Variants in DMD observed in about 807,000 individuals in gnomAD.
The protein encoded by DMD is mutant dystrophin.
DMD carries 63 observed loss-of-function variants against 330.1 expected under a neutral mutation model. That is an observed-to-expected ratio of 0.19 (90% CI 0.16 to 0.24). The LOEUF (loss-of-function observed/expected upper bound fraction) is 0.24, where lower values mean the gene tolerates loss of function less well. DMD is among the 10% of genes least tolerant of loss of function. DMD has a pLI of 1.00. For synonymous variants in DMD, 1,223 were observed against 959.8 expected (o/e 1.27, Z -5.07); for missense variants, 3,344 against 2,684.1 (o/e 1.25, Z -5.43).
chrX:33,074,559 A>G (rs2094809759), intron 1 of DMD, among the ~76,000 whole-genome samples: 1 of 111,147 alleles, frequency 9.0e-6, no homozygotes, highest in South Asian at 3.8e-4. Flanking sequence ...TTTAAGAGGC[A>G]CTTGGATCAT....
At position 31,669,314 on chromosome X, in the gene DMD, T is replaced by G. The variant is rs1015248596; in HGVS notation, c.7872+10061A>C. Among the ~76,000 whole-genome samples the G allele has an allele frequency of 4.5e-5, 5 of 112,084 alleles. No individual in the cohort carries two copies. In the Admixed American group the frequency reaches 4.7e-4, roughly 11 times the overall value. The stretch of plus-strand genomic sequence containing the variant: ...TTTATAACAGCCATTCTAACAGGTG[T>G]AAGGTGACATCTCACTGCGATTGTA... On this transcript the variant is annotated intron_variant, in intron 53 of 78. Transcript: ENST00000357033.
intron 63 of DMD, among the ~76,000 whole-genome samples, chrX:31,245,782 C>CAT (rs1311541206): frequency 1.8e-5 from 2 of 111,507 alleles, no homozygotes; most frequent in African/African-American, 6.5e-5. Context: ...TGATCAACGT[C>CAT]ATACGTGTTC....
At chrX:32,582,930 C>T (rs1601877557) in intron 13 of DMD, among the ~76,000 whole-genome samples, 1 of 111,463 alleles carries the variant, frequency 9.0e-6, no homozygotes, top group East Asian at 2.8e-4. Context: ...TGATAGCACG[C>T]CTATCTCCCA....
At chrX:32,415,808 A>G (rs1357114394) in intron 29 of DMD, among the ~76,000 whole-genome samples, 1 of 112,492 alleles carries the variant, frequency 8.9e-6, no homozygotes, top group Non-Finnish European at 1.9e-5. Context: ...TTACCAAGAA[A>G]AACACATAAT....
At position 31,894,694 on chromosome X, in the gene DMD, T is replaced by C. The variant is rs189736319; in HGVS notation, c.6913-19321A>G. Among the ~76,000 whole-genome samples the C allele has an allele frequency of 2.9e-3, 327 of 112,136 alleles. 2 individuals carry two copies. The highest frequency in any genetic ancestry group is 8.2e-3 in the African/African-American group (255 of 30,940). On this transcript the variant is annotated intron_variant, in intron 47 of 78. Transcript: ENST00000357033. ...TTCTTCTGAAGTCTACACATCGCTGTCCATTAGAGCATCTCTATTAGACAG... is the reference window on the plus strand; with the variant it reads ...TTCTTCTGAAGTCTACACATCGCTGCCCATTAGAGCATCTCTATTAGACAG...
chrX:31,821,842 T>C (rs1348403288), intron 49 of DMD, among the ~76,000 whole-genome samples: 2 of 111,922 alleles, frequency 1.8e-5, no homozygotes, highest in African/African-American at 3.2e-5. Flanking sequence ...TTAGCAGAAA[T>C]TGCATTTCTA....
intron 55 of DMD, among the ~76,000 whole-genome samples, chrX:31,507,812 T>C (rs1395778571): frequency 8.9e-6 from 1 of 111,957 alleles, no homozygotes; most frequent in Non-Finnish European, 1.9e-5. Context: ...TATGATAAAG[T>C]GTACCCCAGT....
intron 55 of DMD, among the ~76,000 whole-genome samples, chrX:31,582,507 A>G (rs1307843000): frequency 8.9e-6 from 1 of 112,130 alleles, no homozygotes; most frequent in Non-Finnish European, 1.9e-5. Context: ...CCTTCATGTC[A>G]GAAGATAACT....
chrX:32,493,060 C>T (rs1373212976), intron 19 of DMD, among the ~76,000 whole-genome samples: 1 of 111,840 alleles, frequency 8.9e-6, no homozygotes, highest in Non-Finnish European at 1.9e-5. Context: ...GTCTGAAGAA[C>T]GTCTCTAGAA....
Position 32,189,526 on chromosome X carries a change from A to C in DMD, c.6438+27390T>G, listed in dbSNP as rs137913211. On this transcript the variant is annotated intron_variant, in intron 44 of 78. Transcript: ENST00000357033. Reference sequence around the variant, plus strand: ...TGTGACAGAGACTATTTGGGCCACAAAACTTAAAATATTTACTATCTGCCC... The same window carrying C: ...TGTGACAGAGACTATTTGGGCCACACAACTTAAAATATTTACTATCTGCCC... Among the ~76,000 whole-genome samples the C allele has an allele frequency of 2.2e-3, 243 of 111,407 alleles. 5 individuals are homozygous for C. In the East Asian group the frequency reaches 0.057, roughly 26 times the overall value.
At chrX:32,000,440 G>T (rs767188093) in intron 44 of DMD, among the ~76,000 whole-genome samples, 1 of 111,939 alleles carries the variant, frequency 8.9e-6, no homozygotes, top group African/African-American at 3.2e-5. Context: ...ATCGAAAATT[G>T]CCTATTTATG....
chrX:33,208,064 G>A, intron 1 of DMD, among the ~76,000 whole-genome samples: 1 of 110,971 alleles, frequency 9.0e-6, no homozygotes, highest in Admixed American at 9.6e-5. Flanking sequence ...ATAAACCAAG[G>A]TCATCATTAT....
chrX:32,342,507 A>G, intron 40 of DMD: 2 of 404,160 alleles, frequency 4.9e-6, no homozygotes, highest in Non-Finnish European at 8.5e-6. Flanking sequence ...AATTAAGTAA[A>G]TATTGAAATT....
At chrX:32,343,944 T>C (rs961953235) in intron 39 of DMD, among the ~76,000 whole-genome samples, 5 of 112,177 alleles carry the variant, frequency 4.5e-5, no homozygotes, top group Middle Eastern at 4.6e-3. Context: ...AAGGCTTGCA[T>C]AGCCACATTT....
intron 1 of DMD, among the ~76,000 whole-genome samples, chrX:33,312,460 C>G (rs778340571): frequency 1.9e-4 from 21 of 111,322 alleles, no homozygotes; most frequent in African/African-American, 6.9e-4. Context: ...GTCTTAGAAC[C>G]CAAATACAGC....
intron 19 of DMD, among the ~76,000 whole-genome samples, chrX:32,495,976 T>C (rs538235256): frequency 1.1e-3 from 123 of 112,046 alleles, no homozygotes; most frequent in African/African-American, 3.8e-3. Flanking sequence ...TCACATCTCA[T>C]ATTCTAAACA....
chrX:31,421,906 C>CATATATATATGTATAT (rs1429367229), intron 60 of DMD, among the ~76,000 whole-genome samples: 11 of 63,028 alleles, frequency 1.7e-4, no homozygotes, highest in African/African-American at 1.2e-3. Flanking sequence ...TATATACACA[C>CATATATATATGTATAT]ACACACACAT....
At chrX:33,133,925 A>G (rs779586191) in intron 1 of DMD, among the ~76,000 whole-genome samples, 118 of 112,134 alleles carry the variant, frequency 1.1e-3, no homozygotes, top group African/African-American at 3.6e-3. Context: ...ACAATAAAAC[A>G]CTCACTCAAT....
chrX:32,687,352 T>C (rs1327000129), intron 9 of DMD, among the ~76,000 whole-genome samples: 1 of 112,049 alleles, frequency 8.9e-6, no homozygotes, highest in Non-Finnish European at 1.9e-5. Flanking sequence ...ATACAATATG[T>C]TTCATCTTAC....
Sources: gnomAD v4.1 joint callset for allele counts (sites outside exome capture counted in the v4.1 genomes callset) on GRCh38, gnomAD v4.1.1 for gene constraint, MANE v1.5 for transcripts, NCBI Gene and HGNC (gene_info 2026-07-23, HGNC 2026-07-21) for gene names.